Variants in ELP4 observed in about 807,000 individuals in gnomAD.
ELP4 encodes the protein elongator acetyltransferase complex subunit 4.
Under a neutral mutation model 48.9 loss-of-function variants are expected in ELP4, and 51 were observed. That is an observed-to-expected ratio of 1.04 (90% CI 0.83 to 1.32). ELP4 has a LOEUF of 1.32. Among genes scored for constraint, ELP4 ranks in the 40% most tolerant of loss-of-function variants. The pLI is 0.00. For synonymous variants in ELP4, 210 were observed against 189.2 expected (o/e 1.11, Z -0.90); for missense variants, 519 against 514.6 (o/e 1.01, Z -0.08).
At chr11:31,534,948 C>A (rs1470656052) in intron 2 of ELP4, among the ~76,000 whole-genome samples, 1 of 152,138 alleles carries the variant, frequency 6.6e-6, no homozygotes, top group Non-Finnish European at 1.5e-5. Context: ...AGTGTTACAG[C>A]TGTATTAATC....
intron 3 of ELP4, among the ~76,000 whole-genome samples, chr11:31,570,267 A>G (rs1957173133): frequency 6.6e-6 from 1 of 152,118 alleles, no homozygotes; most frequent in Non-Finnish European, 1.5e-5. Context: ...AAAACCAAAT[A>G]CCATATGTTC....
intron 3 of ELP4, among the ~76,000 whole-genome samples, chr11:31,549,429 A>G (rs1383842592): frequency 6.6e-6 from 1 of 152,214 alleles, no homozygotes; most frequent in Non-Finnish European, 1.5e-5. Flanking sequence ...TATCAAAACC[A>G]CAATGAGATA....
At chr11:31,754,929 A>G (rs1947801552) in intron 9 of ELP4, among the ~76,000 whole-genome samples, 1 of 152,186 alleles carries the variant, frequency 6.6e-6, no homozygotes, top group Non-Finnish European at 1.5e-5. Context: ...ATGGCATTCT[A>G]GTGCCAGTTC....
chr11:31,662,835 G>T (rs1254614501), intron 9 of ELP4: 12 of 331,290 alleles, frequency 3.6e-5, no homozygotes, highest in Non-Finnish European at 1.6e-5. Context: ...AAAATACCTA[G>T]ATTTCATAAA....
intron 2 of ELP4, among the ~76,000 whole-genome samples, chr11:31,525,655 A>G (rs1170914942): frequency 6.6e-6 from 1 of 152,100 alleles, no homozygotes; most frequent in Non-Finnish European, 1.5e-5. Context: ...CTTCCCCTGG[A>G]TCTCTTGCTT....
intron 3 of ELP4, among the ~76,000 whole-genome samples, chr11:31,553,345 G>C (rs1956880680): frequency 6.6e-6 from 1 of 152,076 alleles, no homozygotes; most frequent in African/African-American, 2.4e-5. Context: ...CATTTAATTT[G>C]GTAGACTGAG....
At chr11:31,749,975 C>A (rs1947685544) in intron 9 of ELP4, among the ~76,000 whole-genome samples, 1 of 151,994 alleles carries the variant, frequency 6.6e-6, no homozygotes, top group Non-Finnish European at 1.5e-5. Context: ...CCTGCCTCAG[C>A]CTCCTGAGTA....
chr11:31,663,924 ACAC>A (rs1945615249), intron 9 of ELP4: 1 of 152,120 alleles, frequency 6.6e-6, no homozygotes, highest in Non-Finnish European at 1.5e-5. Flanking sequence ...AATTATATAA[ACAC>A]CAGTGTCCTT....
At chr11:31,544,747 AC>A (rs1956667589) in intron 3 of ELP4, among the ~76,000 whole-genome samples, 1 of 151,940 alleles carries the variant, frequency 6.6e-6, no homozygotes, top group Non-Finnish European at 1.5e-5. Flanking sequence ...ACTGGGAGGC[AC>A]CCCCCAGTAG....
chr11:31,561,705 A>T (rs1416928208), intron 3 of ELP4, among the ~76,000 whole-genome samples: 1 of 152,094 alleles, frequency 6.6e-6, no homozygotes, highest in African/African-American at 2.4e-5. Context: ...CAACCTCCCA[A>T]ATTGCAAGGA....
At chr11:31,774,534 G>A (rs1948207614) in intron 9 of ELP4, among the ~76,000 whole-genome samples, 1 of 152,204 alleles carries the variant, frequency 6.6e-6, no homozygotes, top group Admixed American at 6.5e-5. Context: ...ACTCTAGCAT[G>A]AGTTCATCTG....
At chr11:31,550,107 T>G (rs943637664) in intron 3 of ELP4, among the ~76,000 whole-genome samples, 1 of 151,826 alleles carries the variant, frequency 6.6e-6, no homozygotes, top group Non-Finnish European at 1.5e-5. Context: ...ATTGTGCACA[T>G]GTACCCTAAA....
chr11:31,626,755 A>C (rs911849195), intron 5 of ELP4, among the ~76,000 whole-genome samples: 4 of 151,808 alleles, frequency 2.6e-5, no homozygotes, highest in South Asian at 4.1e-4. Flanking sequence ...ACTATGTGTT[A>C]ATTATGTATG....
chr11:31,780,398 A>C (rs1035111804), intron 9 of ELP4, among the ~76,000 whole-genome samples: 1 of 152,300 alleles, frequency 6.6e-6, no homozygotes, highest in Middle Eastern at 3.4e-3. Flanking sequence ...GAGAATTTAG[A>C]TTGCATAGTA....
At chr11:31,680,925 G>A (rs1025401285) in intron 9 of ELP4, among the ~76,000 whole-genome samples, 22 of 151,978 alleles carry the variant, frequency 1.4e-4, no homozygotes, top group African/African-American at 5.1e-4. Context: ...GAGGAGCTCA[G>A]GTATTCCCAA....
intron 9 of ELP4, among the ~76,000 whole-genome samples, chr11:31,724,341 A>G (rs759669749): frequency 6.6e-6 from 1 of 152,230 alleles, no homozygotes; most frequent in Non-Finnish European, 1.5e-5. Context: ...TATAAAAACT[A>G]ACATTGACTG....
intron 5 of ELP4, among the ~76,000 whole-genome samples, chr11:31,617,912 C>T (rs996580048): frequency 1.3e-5 from 2 of 151,928 alleles, no homozygotes; most frequent in African/African-American, 2.4e-5. Context: ...TACACTCTGG[C>T]GTTTCTCAAA....
At chr11:31,607,031 A>C (rs1201523780) in intron 5 of ELP4, among the ~76,000 whole-genome samples, 1 of 152,094 alleles carries the variant, frequency 6.6e-6, no homozygotes, top group African/African-American at 2.4e-5. Context: ...GTATCTTTAT[A>C]AAAGAGGGAG....
At chr11:31,644,947 T>C (rs1945171802) in intron 7 of ELP4, among the ~76,000 whole-genome samples, 1 of 151,820 alleles carries the variant, frequency 6.6e-6, no homozygotes, top group Admixed American at 6.6e-5. Context: ...TCCATTGCTT[T>C]TTATTCTATA....
Sources: gnomAD v4.1 joint callset for allele counts (sites outside exome capture counted in the v4.1 genomes callset) on GRCh38, gnomAD v4.1.1 for gene constraint, MANE v1.5 for transcripts, NCBI Gene and HGNC (gene_info 2026-07-23, HGNC 2026-07-21) for gene names.